NLRP14: variants seen among roughly 807,000 people sequenced by gnomAD.
NLRP14 encodes NACHT, LRR and PYD domains-containing protein 14.
A neutral mutation model predicts 94.7 loss-of-function variants in NLRP14; 105 were observed. The ratio of observed to expected loss-of-function variants is 1.11; its 90% confidence interval spans 0.95 to 1.30. The LOEUF (loss-of-function observed/expected upper bound fraction) is 1.30, where lower values mean the gene tolerates loss of function less well. Ranked by LOEUF, NLRP14 falls within the 50% of genes most tolerant of loss-of-function variation. The probability of loss-of-function intolerance (pLI) is 0.00; values close to 1 mark genes in which losing one functional copy is unlikely to be tolerated. For synonymous variants in NLRP14, 508 were observed against 459.9 expected (o/e 1.10, Z -1.34); for missense variants, 1,362 against 1,254.1 (o/e 1.09, Z -1.30).
chr11:7,033,198 C>G (rs1345426689), intron 1 of NLRP14, among the ~76,000 whole-genome samples: 1 of 152,214 alleles, frequency 6.6e-6, no homozygotes, highest in Admixed American at 6.5e-5. Flanking sequence ...TTAGGAATTA[C>G]AAGCAGTGCT....
chr11:7,048,020 A>G (rs977038324), intron 5 of NLRP14, among the ~76,000 whole-genome samples: 12 of 151,840 alleles, frequency 7.9e-5, no homozygotes, highest in African/African-American at 2.9e-4. Context: ...TTGGCCTCCC[A>G]AAGTGCTGGG....
intron 1 of NLRP14, among the ~76,000 whole-genome samples, chr11:7,033,666 TTC>T: frequency 6.6e-6 from 1 of 152,342 alleles, no homozygotes; most frequent in East Asian, 1.9e-4. Flanking sequence ...GTAAACATTT[TTC>T]TGTTTTTGGT....
chr11:7,087,015 G>A, the NLRP14 span, among the ~76,000 whole-genome samples: 4,710 of 139,404 alleles, frequency 0.034, 137 homozygotes, highest in East Asian at 0.15. Context: ...CCACCAAACA[G>A]TTCCACAGAC....
the NLRP14 span, among the ~76,000 whole-genome samples, chr11:7,085,826 A>G: frequency 1.2e-3 from 179 of 152,372 alleles, no homozygotes; most frequent in African/African-American, 4.2e-3. Flanking sequence ...AAGTCTGTAC[A>G]TGTTCAGTAC....
intron 1 of NLRP14, among the ~76,000 whole-genome samples, chr11:7,031,156 C>G (rs529564370): frequency 1.3e-5 from 2 of 152,336 alleles, no homozygotes; most frequent in East Asian, 3.9e-4. Flanking sequence ...CCTGTTGATC[C>G]TTTCCTGTCC....
At chr11:7,049,936 C>T (rs1009293295) in intron 6 of NLRP14, 98 bp downstream of exon 6, 12 of 999,338 alleles carry the variant, frequency 1.2e-5, no homozygotes, top group African/African-American at 6.3e-5. Context: ...TTCATAGGAC[C>T]GGCTTAAATC....
At chr11:7,077,330 G>A in the NLRP14 span, among the ~76,000 whole-genome samples, 93,830 of 152,082 alleles carry the variant, frequency 0.62, 30,191 homozygotes, top group East Asian at 0.91. Flanking sequence ...AGCCCACAAC[G>A]GCTAGCATTC....
At chr11:7,055,370 T>C (rs1852503293) in intron 6 of NLRP14, among the ~76,000 whole-genome samples, 1 of 152,102 alleles carries the variant, frequency 6.6e-6, no homozygotes, top group Non-Finnish European at 1.5e-5. Flanking sequence ...TCTCCTGTTA[T>C]CTCTCAATTT....
At chr11:7,049,506 A>T (rs1008568564) in intron 5 of NLRP14, among the ~76,000 whole-genome samples, 165 bp from the exon 6 acceptor site, 2 of 152,202 alleles carry the variant, frequency 1.3e-5, no homozygotes, top group Non-Finnish European at 2.9e-5. Flanking sequence ...AGTGTCAATT[A>T]TCAGGTCATA....
chr11:7,043,629 C>A lies in NLRP14; in HGVS notation c.1603C>A (p.Leu535Ile). 1.9e-6 allele frequency: 3 copies of A among 1,614,060 alleles called. No homozygotes were observed. Among genetic ancestry groups the A allele is most frequent in the Non-Finnish European group, 2.5e-6 (3 of 1,179,998 alleles). ...ACAGATGAAGTGCTTTTTGTTTGGC[C>A]TTTTGAATGAAGATCGAGTAAAACA... Reference protein sequence around the residue: ...LTQMKCFLFGLLNEDRVKQLE... With the variant: ...LTQMKCFLFGILNEDRVKQLE... The change falls in exon 4 of 12, where the codon CTT becomes ATT. Residue 535 changes from leucine (L) to isoleucine (I), a missense_variant. Leu to Ile is a conservative substitution (Grantham distance 5). Coordinates refer to ENST00000299481, the MANE Select transcript of NLRP14 (RefSeq NM_176822.4).
intron 6 of NLRP14, among the ~76,000 whole-genome samples, chr11:7,055,745 C>T (rs1852507128): frequency 6.6e-6 from 1 of 152,100 alleles, no homozygotes; most frequent in Non-Finnish European, 1.5e-5. Flanking sequence ...TCTAAGTCAA[C>T]AGCATCTGTA....
At chr11:7,090,340 A>G in the NLRP14 span, 3 of 1,545,628 alleles carry the variant, frequency 1.9e-6, no homozygotes, top group Admixed American at 5.9e-5. Context: ...TTTCAACGAA[A>G]CTAACAAAAA....
At chr11:7,084,315 C>G in the NLRP14 span, among the ~76,000 whole-genome samples, 1 of 152,128 alleles carries the variant, frequency 6.6e-6, no homozygotes, top group African/African-American at 2.4e-5. Context: ...GTTACTGACA[C>G]AGGTCTTAAA....
intron 1 of NLRP14, among the ~76,000 whole-genome samples, chr11:7,035,471 T>C (rs1852148352): frequency 2.0e-5 from 3 of 152,216 alleles, no homozygotes; most frequent in Admixed American, 2.0e-4. Flanking sequence ...AGGGTTCTAA[T>C]TGGCATCAAA....
intron 1 of NLRP14, among the ~76,000 whole-genome samples, chr11:7,034,019 A>T (rs1589857899): frequency 6.6e-6 from 1 of 152,176 alleles, no homozygotes; most frequent in Admixed American, 6.5e-5. Flanking sequence ...CTCACTAAAA[A>T]GTTTCTCCAC....
chr11:7,070,643 T>G (rs1176389841), intron 11 of NLRP14, among the ~76,000 whole-genome samples, 187 bp downstream of exon 11: 3 of 152,170 alleles, frequency 2.0e-5, no homozygotes, highest in African/African-American at 7.2e-5. Flanking sequence ...GGTTAAATAT[T>G]GAGCACCCTG....
intron 10 of NLRP14, among the ~76,000 whole-genome samples, chr11:7,065,354 T>C (rs778743127): frequency 4.6e-5 from 7 of 152,156 alleles, no homozygotes; most frequent in Non-Finnish European, 8.8e-5. Flanking sequence ...TTTTTCATTG[T>C]GTTTATACAT....
Position 7,038,871 on chromosome 11 carries a change from C to T in NLRP14, c.285C>T (p.Ile95=). 6.2e-7 allele frequency: 1 copy of T among 1,613,098 alleles called. No homozygotes were observed. The highest frequency in any genetic ancestry group is 1.1e-5 in the South Asian group (1 of 90,782). ...KDLCERAKEE[I]NWSAQTIGPD... is the part of the protein sequence containing the mutation. ...TGTGTGAGAGAGCGAAAGAAGAGAT[C>T]AACTGTGAGTGATGCTAGGGGCAAA... Residue 95 remains isoleucine, a synonymous_variant, in exon 2 of 12, where the codon ATC becomes ATT. Transcript: ENST00000299481.
intron 9 of NLRP14, among the ~76,000 whole-genome samples, chr11:7,060,360 T>C (rs1852598217): frequency 6.6e-6 from 1 of 152,062 alleles, no homozygotes; most frequent in Admixed American, 6.6e-5. Context: ...GTGTGTCCTC[T>C]ACTTTTAATC....
Sources: gnomAD v4.1 joint callset for allele counts (sites outside exome capture counted in the v4.1 genomes callset) on GRCh38, gnomAD v4.1.1 for gene constraint, MANE v1.5 for transcripts, NCBI Gene and HGNC (gene_info 2026-07-23, HGNC 2026-07-21) for gene names.